TRDN: variants seen among roughly 807,000 people sequenced by gnomAD.
TRDN encodes the protein triadin in skeletal muscle.
In TRDN, 161 loss-of-function variants were observed where a neutral mutation model predicts 149.7. The ratio of observed to expected loss-of-function variants is 1.08; its 90% CI spans 0.95 to 1.23. The LOEUF (loss-of-function observed/expected upper bound fraction) is 1.23, where lower values mean the gene tolerates loss of function less well. Ranked by LOEUF, TRDN falls within the 50% of genes most tolerant of loss-of-function variation. The probability of loss-of-function intolerance (pLI) is 0.00; values close to 1 mark genes in which losing one functional copy is unlikely to be tolerated. For missense variants in TRDN, 896 were observed against 823.5 expected (o/e 1.09, Z -1.08); for synonymous variants, 294 against 250.5 (o/e 1.17, Z -1.64).
chr6:123,331,210 T>C (rs1005156079), intron 23 of TRDN, among the ~76,000 whole-genome samples: 7 of 152,074 alleles, frequency 4.6e-5, no homozygotes, highest in Admixed American at 1.3e-4. Flanking sequence ...CAAGTTTATT[T>C]GTGTTTTAGG....
In TRDN at chr6:123,527,811, T is replaced by C. The variant is rs200714536; in HGVS notation, c.484+2695A>G. 1.0e-3 allele frequency among the ~76,000 whole-genome samples: 154 copies of C among 151,902 alleles called. 2 individuals are homozygous for C. In the East Asian group the frequency reaches 0.01, roughly 10 times the overall value. On this transcript the variant is annotated intron_variant, in intron 5 of 40. Coordinates refer to ENST00000334268, the MANE Select transcript of TRDN (RefSeq NM_006073.4). The stretch of plus-strand genomic sequence containing the variant: ...ATAAAATAAATTTCTACCTCTTTTA[T>C]GAGGTACTGTATGTGACCAATACAA...
chr6:123,437,758 GA>G (rs1774652077), intron 12 of TRDN, among the ~76,000 whole-genome samples: 1 of 152,026 alleles, frequency 6.6e-6, no homozygotes. Context: ...TTTTGAGGGG[GA>G]AAAGCCAATA....
chr6:123,523,425 T>A (rs1402766551), intron 5 of TRDN, among the ~76,000 whole-genome samples: 1 of 152,002 alleles, frequency 6.6e-6, no homozygotes. Flanking sequence ...GAAGACATGA[T>A]AAACTACGAA....
chr6:123,456,569 A>G (rs112853906), intron 10 of TRDN, among the ~76,000 whole-genome samples: 2,085 of 152,092 alleles, frequency 0.014, 39 homozygotes, highest in African/African-American at 0.047. Flanking sequence ...CCCAGGCTCA[A>G]GTGATCCTCC....
intron 12 of TRDN, among the ~76,000 whole-genome samples, chr6:123,433,610 G>A (rs1774432358): frequency 6.6e-6 from 1 of 151,446 alleles, no homozygotes; most frequent in African/African-American, 2.4e-5. Context: ...TATCCTTCTT[G>A]TAATTTATAG....
chr6:123,395,099 G>T (rs1412159843), intron 12 of TRDN, among the ~76,000 whole-genome samples: 1 of 151,926 alleles, frequency 6.6e-6, no homozygotes, highest in Non-Finnish European at 1.5e-5. Context: ...AAATTATACT[G>T]CAATTTGTAA....
intron 1 of TRDN, among the ~76,000 whole-genome samples, chr6:123,613,063 G>T (rs568257481): frequency 1.3e-5 from 2 of 152,178 alleles, no homozygotes; most frequent in East Asian, 3.9e-4. Flanking sequence ...AAATAACAAG[G>T]AAAAGTAGTA....
chr6:123,496,691 C>T (rs1309710735), intron 9 of TRDN, among the ~76,000 whole-genome samples: 1 of 151,980 alleles, frequency 6.6e-6, no homozygotes, highest in East Asian at 1.9e-4. Context: ...ATATTAATTC[C>T]AAGATTATCT....
intron 20 of TRDN, among the ~76,000 whole-genome samples, chr6:123,363,295 A>T (rs939004396): frequency 6.6e-6 from 1 of 152,230 alleles, no homozygotes; most frequent in Admixed American, 6.5e-5. Flanking sequence ...TAGTAAATAC[A>T]TGATGAGAAC....
chr6:123,351,376 G>A (rs890785218), intron 21 of TRDN: 2 of 982,658 alleles, frequency 2.0e-6, no homozygotes, highest in South Asian at 4.7e-5. Flanking sequence ...TCAGGAACAC[G>A]CATAAATGAA....
chr6:123,403,559 C>T (rs1296230090), intron 12 of TRDN, among the ~76,000 whole-genome samples: 2 of 152,036 alleles, frequency 1.3e-5, no homozygotes, highest in Non-Finnish European at 2.9e-5. Context: ...GTAGCAAGAT[C>T]CCAGAATGTG....
chr6:123,513,656 G>T (rs933532345), intron 6 of TRDN, among the ~76,000 whole-genome samples: 1 of 151,906 alleles, frequency 6.6e-6, no homozygotes, highest in African/African-American at 2.4e-5. Flanking sequence ...AATAAGATAA[G>T]AAAATAAGAA....
At chr6:123,432,862 C>T (rs1418160473) in intron 12 of TRDN, among the ~76,000 whole-genome samples, 1 of 152,002 alleles carries the variant, frequency 6.6e-6, no homozygotes, top group Non-Finnish European at 1.5e-5. Flanking sequence ...CTGGCAATTT[C>T]TTTCAGCCTC....
At chr6:123,497,133 C>T in intron 9 of TRDN, 60 bp downstream of exon 9, 1 of 1,335,590 alleles carries the variant, frequency 7.5e-7, no homozygotes, top group Non-Finnish European at 1.0e-6. Flanking sequence ...ACATAAAAAG[C>T]CCACAATCTT....
intron 31 of TRDN, among the ~76,000 whole-genome samples, chr6:123,268,261 A>G (rs971800084): frequency 6.6e-6 from 1 of 151,986 alleles, no homozygotes; most frequent in Non-Finnish European, 1.5e-5. Flanking sequence ...CACATTTTGT[A>G]TTTTTATTGA....
chr6:123,385,105 C>T lies in TRDN; in HGVS notation c.1136-2958G>A, dbSNP rs527367586. On this transcript the variant is annotated intron_variant, in intron 14 of 40. Coordinates refer to ENST00000334268, the MANE Select transcript of TRDN (RefSeq NM_006073.4). The stretch of plus-strand genomic sequence containing the variant: ...TCTGTAGCAGTGTCTCAAGTAAGGC[C>T]TATTATGTTCATAAGTGATGCCAGA... Among the ~76,000 whole-genome samples, 3 of 152,226 alleles carry T rather than the reference C, an allele frequency of 2.0e-5. No individual in the cohort carries two copies. In the South Asian group the frequency reaches 6.2e-4, roughly 32 times the overall value.
chr6:123,275,785 CAA>C (rs1777349162), intron 26 of TRDN, among the ~76,000 whole-genome samples: 1 of 152,052 alleles, frequency 6.6e-6, no homozygotes, highest in African/African-American at 2.4e-5. Context: ...AGAAAGAACT[CAA>C]GAGAGCTATA....
chr6:123,482,500 C>G (rs1777791328), intron 9 of TRDN, among the ~76,000 whole-genome samples: 1 of 152,164 alleles, frequency 6.6e-6, no homozygotes, highest in Non-Finnish European at 1.5e-5. Flanking sequence ...TCATTTAAAA[C>G]AGTACACACT....
At chr6:123,581,279 C>T (rs1004747645) in intron 1 of TRDN, among the ~76,000 whole-genome samples, 1 of 152,184 alleles carries the variant, frequency 6.6e-6, no homozygotes, top group Non-Finnish European at 1.5e-5. Context: ...TTTCCTTAAT[C>T]TTTTGACCTG....
Sources: allele counts gnomAD v4.1 joint callset (sites outside exome capture counted in the v4.1 genomes callset), GRCh38; gene constraint gnomAD v4.1.1; transcripts MANE v1.5; gene names NCBI Gene and HGNC (gene_info 2026-07-23, HGNC 2026-07-21).